The following VDR variants were observed in gnomAD, a reference collection of about 807,000 sequenced individuals.
VDR encodes vitamin D receptor, also known as vitamin D3 receptor.
A neutral mutation model predicts 39.7 loss-of-function variants in VDR; 19 were observed. That is an observed-to-expected ratio of 0.48 (90% CI 0.33 to 0.70). The LOEUF (loss-of-function observed/expected upper bound fraction) is 0.70, where lower values mean the gene tolerates loss of function less well. Ranked by LOEUF, VDR falls within the 30% of genes least tolerant of loss-of-function variation. The pLI is 0.02. For missense variants in VDR, 442 were observed against 570.5 expected, an observed-to-expected ratio of 0.77 and a Z score of 2.29; for synonymous variants, 242 against 215.8, an observed-to-expected ratio of 1.12 and a Z score of -1.07.
intron 1 of VDR, among the ~76,000 whole-genome samples, chr12:47,890,451 C>G (rs1289328667): frequency 6.6e-6 from 1 of 151,118 alleles, no homozygotes; most frequent in Non-Finnish European, 1.5e-5. Flanking sequence ...AGAGCCAGCT[C>G]CTCTGGGGTC....
chr12:47,853,338 GA>G (rs1452352631), intron 7 of VDR, among the ~76,000 whole-genome samples: 2 of 151,950 alleles, frequency 1.3e-5, no homozygotes, highest in East Asian at 3.9e-4. Context: ...AGCTACTCGG[GA>G]GACTGAGGCA....
intron 3 of VDR, among the ~76,000 whole-genome samples, chr12:47,867,809 C>T (rs900562612): frequency 1.3e-5 from 2 of 152,200 alleles, no homozygotes; most frequent in African/African-American, 4.8e-5. Flanking sequence ...AGTTAGGATT[C>T]TTGGTAAAAC....
chr12:47,854,453 TGAA>T (rs943394537), intron 7 of VDR, among the ~76,000 whole-genome samples: 1 of 152,142 alleles, frequency 6.6e-6, no homozygotes, highest in Admixed American at 6.5e-5. Context: ...TACATTTTGG[TGAA>T]GGATGCCAGG....
At chr12:47,896,623 G>GT in intron 1 of VDR, 1 of 152,086 alleles carries the variant, frequency 6.6e-6, no homozygotes, top group Non-Finnish European at 1.5e-5. Flanking sequence ...AACCTTCGGG[G>GT]GGCTTTGCTA....
At chr12:47,888,327 T>C (rs1043765647) in intron 1 of VDR, among the ~76,000 whole-genome samples, 1 of 151,968 alleles carries the variant, frequency 6.6e-6, no homozygotes, top group African/African-American at 2.4e-5. Context: ...AGCCAAACCA[T>C]ATCACAGGGC....
At chr12:47,892,905 G>A (rs1010510808) in intron 1 of VDR, among the ~76,000 whole-genome samples, 1 of 152,332 alleles carries the variant, frequency 6.6e-6, no homozygotes, top group South Asian at 2.1e-4. Context: ...AGGAGCAGAG[G>A]AGTTTAATGT....
chr12:47,888,238 A>G (rs1946297951), intron 1 of VDR, among the ~76,000 whole-genome samples: 1 of 152,190 alleles, frequency 6.6e-6, no homozygotes, highest in Non-Finnish European at 1.5e-5. Flanking sequence ...CCATGATTCA[A>G]TTACCTCCCC....
chr12:47,890,942 C>A (rs1054203507), intron 1 of VDR, among the ~76,000 whole-genome samples: 1 of 152,202 alleles, frequency 6.6e-6, no homozygotes, highest in Non-Finnish European at 1.5e-5. Context: ...CCTGCCCAGG[C>A]CTGAGCCACT....
chr12:47,887,797 C>G (rs184275052), intron 1 of VDR, among the ~76,000 whole-genome samples: 1 of 152,372 alleles, frequency 6.6e-6, no homozygotes, highest in African/African-American at 2.4e-5. Context: ...CCTCTAAGAA[C>G]ATTTAAGAGG....
intron 4 of VDR, among the ~76,000 whole-genome samples, chr12:47,859,904 TCCTTCCTTCC>T (rs1945581423): frequency 6.9e-5 from 3 of 43,746 alleles, no homozygotes; most frequent in South Asian, 9.6e-4. Flanking sequence ...CTTCCTTCCT[TCCTTCCTTCC>T]TTCTTTCTTT....
intron 1 of VDR, among the ~76,000 whole-genome samples, chr12:47,897,526 T>C (rs1189747304): frequency 6.6e-6 from 1 of 152,216 alleles, no homozygotes; most frequent in Non-Finnish European, 1.5e-5. Flanking sequence ...AGGTGGCCCA[T>C]GCAACTGTCC....
chr12:47,851,945 G>A (rs543160069), intron 7 of VDR, among the ~76,000 whole-genome samples: 7 of 152,332 alleles, frequency 4.6e-5, no homozygotes, highest in Admixed American at 3.9e-4. Flanking sequence ...AGGGGACAGA[G>A]GAGAACATGA....
In VDR at chr12:47,856,623, A is replaced by T. The variant is rs1025279935; in HGVS notation, c.583+506T>A. Reference sequence around the variant, plus strand: ...CTAAATATACATATGTGTTTTTTTTAAAAAAAAAAAAAAAAAGAAAGGAAG... The same window carrying T: ...CTAAATATACATATGTGTTTTTTTTTAAAAAAAAAAAAAAAAGAAAGGAAG... On this transcript the variant is annotated intron_variant, in intron 6 of 9. Coordinates refer to ENST00000549336, the MANE Select transcript of VDR (RefSeq NM_000376.3). Among the ~76,000 whole-genome samples, 308 of 126,030 alleles carry T rather than the reference A, an allele frequency of 2.4e-3. 1 individual carries two copies. Among genetic ancestry groups the T allele is most frequent in the South Asian group, 0.014 (59 of 4,238 alleles). 82.7% of individuals were successfully genotyped at this position (126,030 alleles called of 152,430 possible).
chr12:47,895,813 T>G (rs1946455884), intron 1 of VDR, among the ~76,000 whole-genome samples: 1 of 152,192 alleles, frequency 6.6e-6, no homozygotes, highest in Non-Finnish European at 1.5e-5. Flanking sequence ...AGTCAGATAA[T>G]CTGGCCACAC....
At chr12:47,860,350 C>T (rs12370156) in intron 4 of VDR, among the ~76,000 whole-genome samples, 75,107 of 151,950 alleles carry the variant, frequency 0.49, 18,764 homozygotes, top group Non-Finnish European at 0.51. Flanking sequence ...TAGTCTGACA[C>T]CAAATATCAA....
intron 3 of VDR, among the ~76,000 whole-genome samples, chr12:47,867,841 C>T (rs1945768899): frequency 6.6e-6 from 1 of 152,196 alleles, no homozygotes; most frequent in South Asian, 2.1e-4. Context: ...TTCACATTCA[C>T]TAGAACATAC....
At chr12:47,878,062 C>T (rs552434181) in intron 3 of VDR, among the ~76,000 whole-genome samples, 45 of 152,296 alleles carry the variant, frequency 3.0e-4, no homozygotes, top group African/African-American at 7.0e-4. Context: ...GAGAGCACTC[C>T]GGTTTAGACA....
intron 1 of VDR, among the ~76,000 whole-genome samples, chr12:47,888,546 A>C (rs1946304458): frequency 6.6e-6 from 1 of 152,180 alleles, no homozygotes. Flanking sequence ...TTCCAATGGA[A>C]ACTCTGCCCT....
At chr12:47,857,476 G>T in intron 5 of VDR, 28 bp downstream of exon 5, 1 of 1,614,030 alleles carries the variant, frequency 6.2e-7, no homozygotes, top group Non-Finnish European at 8.5e-7. Flanking sequence ...CCTCTGGACC[G>T]GCTCATCCTC....
Sources: allele counts gnomAD v4.1 joint callset (sites outside exome capture counted in the v4.1 genomes callset), GRCh38; gene constraint gnomAD v4.1.1; transcripts MANE v1.5; gene names NCBI Gene and HGNC (gene_info 2026-07-23, HGNC 2026-07-21).